CDK14: variants seen among roughly 807,000 people sequenced by gnomAD.
CDK14 encodes the protein cyclin-dependent kinase 14.
CDK14 carries 34 observed loss-of-function variants against 60.7 expected under a neutral mutation model. That is an observed-to-expected ratio of 0.56 (90% CI 0.43 to 0.75). The LOEUF (loss-of-function observed/expected upper bound fraction) is 0.75, where lower values mean the gene tolerates loss of function less well. Ranked by LOEUF, CDK14 falls within the 30% of genes least tolerant of loss-of-function variation. CDK14 has a pLI of 0.00. For missense variants in CDK14, 482 were observed against 564.1 expected, an observed-to-expected ratio of 0.85 and a Z score of 1.47; for synonymous variants, 197 against 203.7, an observed-to-expected ratio of 0.97 and a Z score of 0.28.
At chr7:91,098,245 A>G (rs1156706265) in intron 12 of CDK14, among the ~76,000 whole-genome samples, 3 of 152,238 alleles carry the variant, frequency 2.0e-5, no homozygotes, top group African/African-American at 7.2e-5. Flanking sequence ...CTTTGAACTA[A>G]ACTTTAATAA....
intron 8 of CDK14, among the ~76,000 whole-genome samples, chr7:90,920,185 A>G (rs533198002): frequency 6.6e-6 from 1 of 152,370 alleles, no homozygotes; most frequent in East Asian, 1.9e-4. Context: ...CAGACAGAAT[A>G]GGATGGTTCC....
At chr7:90,603,588 A>C (rs932848198) in intron 1 of CDK14, among the ~76,000 whole-genome samples, 2 of 152,244 alleles carry the variant, frequency 1.3e-5, no homozygotes, top group Non-Finnish European at 2.9e-5. Context: ...AATGTATCCC[A>C]GTTGTTAAGT....
At chr7:91,139,274 G>A (rs1000704196) in intron 14 of CDK14, among the ~76,000 whole-genome samples, 10 of 152,054 alleles carry the variant, frequency 6.6e-5, no homozygotes, top group East Asian at 1.9e-4. Flanking sequence ...AAAGTACTTC[G>A]CAAGTGGAGT....
In CDK14 at chr7:90,909,526, A is replaced by C. The variant is rs1792821378; in HGVS notation, c.703-8075A>C. Reference sequence around the variant, plus strand: ...TAGATCTTCTTTTACAGAACTTGACAAAACAAAGATCAGTCACACTAGCCT... The same window carrying C: ...TAGATCTTCTTTTACAGAACTTGACCAAACAAAGATCAGTCACACTAGCCT... On this transcript the variant is annotated intron_variant, in intron 7 of 14. Transcript: ENST00000380050. Among the ~76,000 whole-genome samples, 3 of 149,562 alleles carry C rather than the reference A, an allele frequency of 2.0e-5. No homozygotes were observed. The Admixed American group carries it at 2.0e-4, about 10-fold the overall frequency.
chr7:91,027,117 T>C (rs1452993953), intron 10 of CDK14, among the ~76,000 whole-genome samples: 1 of 152,220 alleles, frequency 6.6e-6, no homozygotes, highest in African/African-American at 2.4e-5. Flanking sequence ...CTGATTCATG[T>C]ATAACCCACA....
At chr7:91,159,027 T>G (rs1801082277) in intron 14 of CDK14, among the ~76,000 whole-genome samples, 1 of 152,232 alleles carries the variant, frequency 6.6e-6, no homozygotes, top group South Asian at 2.1e-4. Flanking sequence ...AATGTTGTGC[T>G]TCATGGTAAT....
At chr7:90,883,532 C>CT (rs1791835200) in intron 6 of CDK14, among the ~76,000 whole-genome samples, 1 of 152,198 alleles carries the variant, frequency 6.6e-6, no homozygotes, top group Non-Finnish European at 1.5e-5. Flanking sequence ...GCTACCATTC[C>CT]TTTTGAAACT....
rs11353946 is a variant in CDK14 at position 90,799,690 on chromosome 7, C to CAAAA, written c.544+9062_544+9065dup. Among the ~76,000 whole-genome samples the CAAAA allele has an allele frequency of 8.4e-4, 45 of 53,562 alleles. 1 individual carries two copies. The highest frequency in any genetic ancestry group is 1.2e-3 in the Non-Finnish European group (36 of 30,760). The allele number at this position is 53,562 out of a possible 152,430, so 35.1% of individuals were successfully genotyped here. ...GGGTGACAAGAGTGAAACTCCATCT[C>CAAAA]AAAAAAAAAAAAAAAAAAAAAAAAA... On this transcript the variant is annotated intron_variant, in intron 5 of 14. Coordinates refer to ENST00000380050, the MANE Select transcript of CDK14 (RefSeq NM_001287135.2).
intron 7 of CDK14, among the ~76,000 whole-genome samples, chr7:90,902,705 A>G (rs1399909433): frequency 6.6e-6 from 1 of 152,138 alleles, no homozygotes; most frequent in East Asian, 1.9e-4. Context: ...AAAAGATTCT[A>G]TGACTAAAAC....
chr7:91,085,517 C>G (rs1798615622), intron 12 of CDK14, among the ~76,000 whole-genome samples: 1 of 152,218 alleles, frequency 6.6e-6, no homozygotes, highest in Admixed American at 6.5e-5. Flanking sequence ...AGGTTACTCT[C>G]TCTGTACAGT....
At chr7:90,619,416 T>G (rs930937245) in intron 2 of CDK14, among the ~76,000 whole-genome samples, 1 of 152,200 alleles carries the variant, frequency 6.6e-6, no homozygotes. Flanking sequence ...TTTCCAGTGT[T>G]CCATAAAATG....
intron 7 of CDK14, among the ~76,000 whole-genome samples, chr7:90,908,577 T>G (rs546574764): frequency 6.6e-6 from 1 of 151,106 alleles, no homozygotes; most frequent in Admixed American, 6.6e-5. Flanking sequence ...TCTCTCCAGT[T>G]TAAGATGGAT....
At chr7:90,812,550 T>C (rs1789171678) in intron 5 of CDK14, among the ~76,000 whole-genome samples, 1 of 152,174 alleles carries the variant, frequency 6.6e-6, no homozygotes, top group African/African-American at 2.4e-5. Flanking sequence ...CACACCAGCA[T>C]GGCACATGTA....
chr7:90,986,628 C>A (rs964868693), intron 10 of CDK14, among the ~76,000 whole-genome samples: 10 of 151,844 alleles, frequency 6.6e-5, no homozygotes, highest in African/African-American at 2.4e-4. Flanking sequence ...CAATAAGTTT[C>A]TTAAAAATAT....
At chr7:90,681,403 G>T (rs777728572) in intron 2 of CDK14, among the ~76,000 whole-genome samples, 10 of 152,096 alleles carry the variant, frequency 6.6e-5, no homozygotes, top group Non-Finnish European at 1.3e-4. Context: ...ACTCCATTTA[G>T]GTGTCTTCTA....
intron 5 of CDK14, among the ~76,000 whole-genome samples, chr7:90,842,651 T>C (rs539581893): frequency 6.6e-6 from 1 of 152,266 alleles, no homozygotes; most frequent in Admixed American, 6.5e-5. Flanking sequence ...GAATGGCGAA[T>C]GGCAGTTTGT....
intron 14 of CDK14, among the ~76,000 whole-genome samples, chr7:91,154,230 T>C (rs1456911166): frequency 4.6e-5 from 7 of 151,942 alleles, no homozygotes; most frequent in Non-Finnish European, 8.8e-5. Flanking sequence ...TCCTTTTTTT[T>C]CTGCTTAGTA....
chr7:90,611,583 A>G (rs1452025041), intron 2 of CDK14, among the ~76,000 whole-genome samples: 1 of 152,114 alleles, frequency 6.6e-6, no homozygotes, highest in Non-Finnish European at 1.5e-5. Context: ...CCATTCTCAC[A>G]GCTGATGTGC....
At chr7:91,008,744 ATTGAG>A (rs1796066474) in intron 10 of CDK14, among the ~76,000 whole-genome samples, 1 of 152,200 alleles carries the variant, frequency 6.6e-6, no homozygotes, top group Admixed American at 6.5e-5. Flanking sequence ...AAAAGAGGGT[ATTGAG>A]TTAACTAAAG....
Sources: gnomAD v4.1 joint callset for allele counts (sites outside exome capture counted in the v4.1 genomes callset) on GRCh38, gnomAD v4.1.1 for gene constraint, MANE v1.5 for transcripts, NCBI Gene and HGNC (gene_info 2026-07-23, HGNC 2026-07-21) for gene names.